Variants in ST6GALNAC3 observed in about 807,000 individuals in gnomAD.
ST6GALNAC3 encodes the protein ST6 N-acetylgalactosaminide alpha-2,6-sialyltransferase 3.
A neutral mutation model predicts 32.7 loss-of-function variants in ST6GALNAC3; 25 were observed. That is an observed-to-expected ratio of 0.76 (90% CI 0.56 to 1.07). The LOEUF is 1.07. ST6GALNAC3 is among the 50% of genes least tolerant of loss of function. The probability of loss-of-function intolerance (pLI) is 0.00; values close to 1 mark genes in which losing one functional copy is unlikely to be tolerated. For synonymous variants in ST6GALNAC3, 129 were observed against 133.1 expected (o/e 0.97, Z 0.21); for missense variants, 355 against 382.4 (o/e 0.93, Z 0.60).
chr1:76,494,180 C>G (rs1268283472), intron 3 of ST6GALNAC3, among the ~76,000 whole-genome samples: 1 of 151,790 alleles, frequency 6.6e-6, no homozygotes, highest in Non-Finnish European at 1.5e-5. Flanking sequence ...TAAATGGTAT[C>G]TCGACCACAT....
At chr1:76,577,300 C>CATGA (rs1646827065) in intron 3 of ST6GALNAC3, 2 of 987,814 alleles carry the variant, frequency 2.0e-6, no homozygotes, top group African/African-American at 3.5e-5. Context: ...TAGAAAAGGC[C>CATGA]ATGCTAGATT....
intron 1 of ST6GALNAC3, among the ~76,000 whole-genome samples, chr1:76,118,344 A>T (rs1648626840): frequency 1.3e-5 from 2 of 152,196 alleles, no homozygotes; most frequent in African/African-American, 4.8e-5. Flanking sequence ...GATAAATGCT[A>T]TTTGCTCTTT....
intron 3 of ST6GALNAC3, among the ~76,000 whole-genome samples, chr1:76,453,615 G>A (rs939602315): frequency 2.6e-5 from 4 of 152,060 alleles, no homozygotes; most frequent in Non-Finnish European, 5.9e-5. Flanking sequence ...TTGATTTCCA[G>A]TTTTATTCCA....
At chr1:76,295,863 A>C (rs1660373718) in intron 1 of ST6GALNAC3, among the ~76,000 whole-genome samples, 1 of 152,066 alleles carries the variant, frequency 6.6e-6, no homozygotes, top group Non-Finnish European at 1.5e-5. Context: ...TGATGATAAG[A>C]ATGTTGCTTT....
chr1:76,161,447 T>TC (rs999582025), intron 1 of ST6GALNAC3, among the ~76,000 whole-genome samples: 1 of 152,116 alleles, frequency 6.6e-6, no homozygotes, highest in African/African-American at 2.4e-5. Context: ...TCCCTGCCGC[T>TC]CCCCTCAGTC....
In ST6GALNAC3 at chr1:76,262,834, C is replaced by T. The variant is rs76324411; in HGVS notation, c.19-50971C>T. On this transcript the variant is annotated intron_variant, in intron 1 of 4. Transcript: ENST00000328299. The stretch of plus-strand genomic sequence containing the variant: ...TGCACGCACACATTTCTTACTTCCA[C>T]GTTCAAAACTATGGTGAGCATTCAC... Among the ~76,000 whole-genome samples, 533 of 152,268 alleles carry T rather than the reference C, an allele frequency of 3.5e-3. 5 individuals carry two copies. Among genetic ancestry groups the T allele is most frequent in the African/African-American group, 0.012 (488 of 41,566 alleles).
At chr1:76,208,064 C>T (rs985947577) in intron 1 of ST6GALNAC3, among the ~76,000 whole-genome samples, 8 of 143,192 alleles carry the variant, frequency 5.6e-5, no homozygotes, top group African/African-American at 7.9e-5. Flanking sequence ...AAAAATAGTT[C>T]ACCCAGAACC....
At chr1:76,503,339 A>C (rs548714219) in intron 3 of ST6GALNAC3, among the ~76,000 whole-genome samples, 47 of 152,328 alleles carry the variant, frequency 3.1e-4, no homozygotes, top group African/African-American at 1.1e-3. Context: ...GCTCTGCCGC[A>C]GTCAGGCAGG....
intron 3 of ST6GALNAC3, among the ~76,000 whole-genome samples, chr1:76,527,920 T>C (rs1023492646): frequency 4.6e-5 from 7 of 152,136 alleles, no homozygotes; most frequent in Non-Finnish European, 1.0e-4. Context: ...AGGCTCATCA[T>C]AAAGCAATCA....
intron 1 of ST6GALNAC3, among the ~76,000 whole-genome samples, chr1:76,251,634 G>T (rs2100698501): frequency 6.6e-6 from 1 of 152,220 alleles, no homozygotes; most frequent in Admixed American, 6.5e-5. Flanking sequence ...AGTGAACTTG[G>T]AAAGTCTTCC....
chr1:76,098,805 C>T (rs1647174739), intron 1 of ST6GALNAC3, among the ~76,000 whole-genome samples: 1 of 151,982 alleles, frequency 6.6e-6, no homozygotes, highest in African/African-American at 2.4e-5. Flanking sequence ...TTTTATTTTA[C>T]AATTAATAAT....
chr1:76,522,421 A>G (rs970222651), intron 3 of ST6GALNAC3, among the ~76,000 whole-genome samples: 7 of 152,054 alleles, frequency 4.6e-5, no homozygotes, highest in African/African-American at 1.7e-4. Flanking sequence ...TACAAGTTAC[A>G]TATATGTGAT....
At chr1:76,442,152 TA>T (rs1656658958) in intron 3 of ST6GALNAC3, among the ~76,000 whole-genome samples, 1 of 152,196 alleles carries the variant, frequency 6.6e-6, no homozygotes, top group South Asian at 2.1e-4. Context: ...TCCCCTTCCA[TA>T]AAATGAGTTT....
At chr1:76,599,717 CGT>C (rs5775354) in intron 3 of ST6GALNAC3, among the ~76,000 whole-genome samples, 11,894 of 141,764 alleles carry the variant, frequency 0.084, 581 homozygotes, top group Admixed American at 0.11. Context: ...ACTACCGTAT[CGT>C]GTGTGTGTGT....
At chr1:76,122,647 A>T (rs1295847561) in intron 1 of ST6GALNAC3, among the ~76,000 whole-genome samples, 1 of 152,184 alleles carries the variant, frequency 6.6e-6, no homozygotes, top group Non-Finnish European at 1.5e-5. Context: ...CATATCCCAG[A>T]ATTGCTCCCT....
chr1:76,249,180 C>T (rs976401758), intron 1 of ST6GALNAC3, among the ~76,000 whole-genome samples: 1 of 152,186 alleles, frequency 6.6e-6, no homozygotes, highest in Non-Finnish European at 1.5e-5. Flanking sequence ...CAGCGTTGTG[C>T]AAACGTCTCC....
rs576046368 is a variant in ST6GALNAC3 at position 76,249,908 on chromosome 1, A to T, written c.19-63897A>T. 3.3e-5 allele frequency among the ~76,000 whole-genome samples: 5 copies of T among 152,292 alleles called. No individual in the cohort carries two copies. In the South Asian group the frequency reaches 1.0e-3, roughly 32 times the overall value. ...TTAGCCATTTGTATATAATCTTTGG[A>T]TGAATGCATATTCACATTCTTTGTT... On this transcript the variant is annotated intron_variant, in intron 1 of 4. Coordinates refer to ENST00000328299, the MANE Select transcript of ST6GALNAC3 (RefSeq NM_152996.4).
chr1:76,582,284 G>T (rs1364540003), intron 3 of ST6GALNAC3, among the ~76,000 whole-genome samples: 1 of 152,116 alleles, frequency 6.6e-6, no homozygotes, highest in African/African-American at 2.4e-5. Flanking sequence ...CCTAGTTTGA[G>T]TTGTGCCTCC....
chr1:76,483,012 G>A (rs906689238), intron 3 of ST6GALNAC3, among the ~76,000 whole-genome samples: 2 of 151,874 alleles, frequency 1.3e-5, no homozygotes, highest in Non-Finnish European at 2.9e-5. Context: ...TGCTGAGAAT[G>A]ATAGTTTCCA....
Sources: allele counts gnomAD v4.1 joint callset (sites outside exome capture counted in the v4.1 genomes callset), GRCh38; gene constraint gnomAD v4.1.1; transcripts MANE v1.5; gene names NCBI Gene and HGNC (gene_info 2026-07-23, HGNC 2026-07-21).